Variants in HTR2C observed in about 807,000 individuals in gnomAD.
The protein encoded by HTR2C is 5-hydroxytryptamine (serotonin) receptor 2C, G protein-coupled.
Under a neutral mutation model 21.0 loss-of-function variants are expected in HTR2C, and 5 were observed. The ratio of observed to expected loss-of-function variants is 0.24; its 90% CI spans 0.12 to 0.50. The LOEUF (loss-of-function observed/expected upper bound fraction) is 0.50. Among genes scored for constraint, HTR2C ranks in the 20% least tolerant of loss-of-function variants. The pLI is 0.98. For synonymous variants in HTR2C, 150 were observed against 145.3 expected (o/e 1.03, Z -0.23); for missense variants, 271 against 371.2 (o/e 0.73, Z 2.22).
chrX:114,678,305 G>A (rs868953744), intron 2 of HTR2C, among the ~76,000 whole-genome samples: 1 of 87,789 alleles, frequency 1.1e-5, no homozygotes, highest in Non-Finnish European at 2.4e-5. Flanking sequence ...ACACACACAC[G>A]TTTAGAAAGA....
chrX:114,707,338 T>C (rs886323639), intron 2 of HTR2C, among the ~76,000 whole-genome samples: 1 of 111,195 alleles, frequency 9.0e-6, no homozygotes, highest in South Asian at 3.8e-4. Context: ...AGAGGATGGC[T>C]TGAGCCCAGG....
At chrX:114,724,631 C>T (rs1933373005) in intron 2 of HTR2C, among the ~76,000 whole-genome samples, 1 of 99,021 alleles carries the variant, frequency 1.0e-5, no homozygotes, top group African/African-American at 3.6e-5. Flanking sequence ...TACAATTTGG[C>T]ATGATTTTGC....
chrX:114,814,457 C>T (rs2147452471), intron 4 of HTR2C, among the ~76,000 whole-genome samples: 1 of 109,375 alleles, frequency 9.1e-6, no homozygotes, highest in Non-Finnish European at 1.9e-5. Flanking sequence ...AATTTGTATA[C>T]ATCTATCCAG....
At chrX:114,704,872 A>G (rs1430067054) in intron 2 of HTR2C, among the ~76,000 whole-genome samples, 1 of 106,193 alleles carries the variant, frequency 9.4e-6, no homozygotes, top group Non-Finnish European at 2.0e-5. Context: ...CAGGATACAA[A>G]ATCAATGTGC....
At chrX:114,818,174 A>G (rs150003589) in intron 4 of HTR2C, among the ~76,000 whole-genome samples, 1,399 of 112,128 alleles carry the variant, frequency 0.012, 19 homozygotes, top group African/African-American at 0.043. Context: ...AACTAGGAAT[A>G]GAAGGGAACT....
intron 4 of HTR2C, among the ~76,000 whole-genome samples, chrX:114,843,129 T>C (rs2070847497): frequency 1.8e-5 from 2 of 111,533 alleles, no homozygotes; most frequent in Admixed American, 1.9e-4. Context: ...AAACTGATCA[T>C]GAGGAAGCCC....
intron 5 of HTR2C, among the ~76,000 whole-genome samples, chrX:114,884,864 T>C (rs2071208848): frequency 8.9e-6 from 1 of 112,150 alleles, no homozygotes; most frequent in African/African-American, 3.2e-5. Context: ...CATTCTATTA[T>C]TGATCTGTAC....
At chrX:114,787,102 CAG>C (rs782496781) in intron 4 of HTR2C, among the ~76,000 whole-genome samples, 70 of 111,657 alleles carry the variant, frequency 6.3e-4, no homozygotes, top group Non-Finnish European at 1.0e-3. Flanking sequence ...TTTTGGGCAA[CAG>C]AGAGTCTTTC....
intron 2 of HTR2C, among the ~76,000 whole-genome samples, chrX:114,643,445 T>C (rs1556406833): frequency 1.8e-5 from 2 of 111,410 alleles, no homozygotes; most frequent in African/African-American, 3.3e-5. Context: ...AGCCTTCACA[T>C]ACTATTTATG....
chrX:114,728,717 G>C (rs2069506967), intron 3 of HTR2C, among the ~76,000 whole-genome samples: 1 of 111,070 alleles, frequency 9.0e-6, no homozygotes, highest in Non-Finnish European at 1.9e-5. Flanking sequence ...AGTAGGGATA[G>C]GCTAGATAAC....
At position 114,756,558 on chromosome X, in the gene HTR2C, G is replaced by A. The variant is rs56103696; in HGVS notation, c.349+24951G>A. Among the ~76,000 whole-genome samples the A allele has an allele frequency of 7.7e-3, 867 of 112,037 alleles. 13 individuals carry two copies. The highest frequency in any genetic ancestry group is 0.026 in the African/African-American group (814 of 30,845). ...TCAAGATGATTCTCCAGAGAATTAC[G>A]CTAAGTGAAAAGTGCCAATCCCAAA... On this transcript the variant is annotated intron_variant, in intron 4 of 5. Transcript: ENST00000276198.
chrX:114,708,077 A>G (rs1556418656), intron 2 of HTR2C, among the ~76,000 whole-genome samples: 1 of 111,578 alleles, frequency 9.0e-6, no homozygotes, highest in African/African-American at 3.2e-5. Flanking sequence ...AGAGTTGCAT[A>G]TTAGGAAAGT....
In HTR2C at chrX:114,835,576, C is replaced by T. The variant is rs1298871546; in HGVS notation, c.350-12427C>T. ...TTCCATCAGCTCCTTTAAGCACTTC[C>T]CTGTATTGGTTATTCTAGTTATACA... is the stretch of plus-strand genomic sequence containing the variant. On this transcript the variant is annotated intron_variant, in intron 4 of 5. Coordinates refer to ENST00000276198, the MANE Select transcript of HTR2C (RefSeq NM_000868.4). Among the ~76,000 whole-genome samples the T allele has an allele frequency of 3.9e-4, 43 of 111,050 alleles. No homozygotes were observed. The East Asian group carries it at 4.3e-3, about 11-fold the overall frequency.
chrX:114,761,743 C>T (rs1326161566), intron 4 of HTR2C, among the ~76,000 whole-genome samples: 2 of 108,038 alleles, frequency 1.9e-5, no homozygotes, highest in Non-Finnish European at 3.8e-5. Context: ...ACTCCAAAGT[C>T]CTTGTTTGTA....
chrX:114,593,568 A>G (rs1375638714), intron 1 of HTR2C, among the ~76,000 whole-genome samples: 1 of 111,837 alleles, frequency 8.9e-6, no homozygotes, highest in Non-Finnish European at 1.9e-5. Context: ...TATACTCCCC[A>G]GCTACCGTTT....
chrX:114,725,688 T>A (rs1296005380), intron 2 of HTR2C, among the ~76,000 whole-genome samples: 3 of 110,191 alleles, frequency 2.7e-5, no homozygotes, highest in Non-Finnish European at 5.7e-5. Flanking sequence ...TACAGATGGG[T>A]TTTTGGTGTG....
chrX:114,826,447 A>C (rs1328188087), intron 4 of HTR2C, among the ~76,000 whole-genome samples: 4 of 112,235 alleles, frequency 3.6e-5, no homozygotes, highest in Non-Finnish European at 7.5e-5. Context: ...GGTCACAGTC[A>C]AAATGCCATC....
chrX:114,656,156 C>G (rs1556409233), intron 2 of HTR2C, among the ~76,000 whole-genome samples: 1 of 110,719 alleles, frequency 9.0e-6, no homozygotes, highest in Non-Finnish European at 1.9e-5. Flanking sequence ...CTTCTTGTAT[C>G]ACAGAATCAC....
chrX:114,602,108 G>A (rs1451839601), intron 1 of HTR2C, among the ~76,000 whole-genome samples: 3 of 57,099 alleles, frequency 5.3e-5, no homozygotes, highest in East Asian at 8.6e-4. Context: ...GCATAGTCCT[G>A]CCAGCAAAGA....
Sources: allele counts gnomAD v4.1 joint callset (sites outside exome capture counted in the v4.1 genomes callset), GRCh38; gene constraint gnomAD v4.1.1; transcripts MANE v1.5; gene names NCBI Gene and HGNC (gene_info 2026-07-23, HGNC 2026-07-21).